CTNNA2: variants seen among roughly 807,000 people sequenced by gnomAD.
CTNNA2 encodes the protein catenin alpha-2.
CTNNA2 carries 42 observed loss-of-function variants against 101.0 expected under a neutral mutation model. The ratio of observed to expected loss-of-function variants is 0.42; its 90% CI spans 0.32 to 0.54. The LOEUF (loss-of-function observed/expected upper bound fraction) is 0.54. Among genes scored for constraint, CTNNA2 ranks in the 20% least tolerant of loss-of-function variants. The pLI, the probability that CTNNA2 is intolerant of heterozygous loss-of-function variation, is 0.14. For missense variants in CTNNA2, 871 were observed against 1,223.1 expected, an observed-to-expected ratio of 0.71 and a Z score of 4.29; for synonymous variants, 450 against 456.4, an observed-to-expected ratio of 0.99 and a Z score of 0.18.
At chr2:79,612,770 A>G (rs1359115843) in intron 1 of CTNNA2, among the ~76,000 whole-genome samples, 1 of 152,138 alleles carries the variant, frequency 6.6e-6, no homozygotes, top group Admixed American at 6.5e-5. Flanking sequence ...TAAAGAATGA[A>G]TCAAAGTTGG....
intron 1 of CTNNA2, among the ~76,000 whole-genome samples, chr2:79,557,965 T>G (rs1162235867): frequency 1.3e-5 from 2 of 151,972 alleles, no homozygotes; most frequent in African/African-American, 4.8e-5. Context: ...TTTTTAAATA[T>G]AATGCATATT....
chr2:79,963,774 A>G (rs1487634696), intron 7 of CTNNA2, among the ~76,000 whole-genome samples: 2 of 152,216 alleles, frequency 1.3e-5, no homozygotes, highest in Non-Finnish European at 2.9e-5. Flanking sequence ...TGCTAAATGC[A>G]TCTTACCTTA....
At chr2:79,898,259 G>A (rs756161963) in intron 6 of CTNNA2, among the ~76,000 whole-genome samples, 33 of 151,784 alleles carry the variant, frequency 2.2e-4, no homozygotes, top group Non-Finnish European at 1.8e-4. Context: ...TCAGCCTCCC[G>A]AGTAGCTGGG....
chr2:79,829,732 A>ATTTATTTATTTAT (rs1265471631), intron 3 of CTNNA2, among the ~76,000 whole-genome samples: 96 of 101,352 alleles, frequency 9.5e-4, no homozygotes, highest in African/African-American at 3.2e-3. Context: ...TTATTTATTT[A>ATTTATTTATTTAT]TTTTTGAGAC....
At chr2:80,035,959 G>C (rs1174362807) in intron 7 of CTNNA2, among the ~76,000 whole-genome samples, 1 of 152,202 alleles carries the variant, frequency 6.6e-6, no homozygotes, top group Non-Finnish European at 1.5e-5. Flanking sequence ...ACAGAGATAG[G>C]AGAAAAGCAA....
intron 3 of CTNNA2, among the ~76,000 whole-genome samples, chr2:79,845,293 G>A (rs1156942292): frequency 6.6e-6 from 1 of 151,186 alleles, no homozygotes; most frequent in Non-Finnish European, 1.5e-5. Context: ...AAGTAAGTAG[G>A]GCAGAAATTG....
At chr2:79,496,584 A>G (rs2103795070) in intron 4 of CTNNA2, among the ~76,000 whole-genome samples, 1 of 151,702 alleles carries the variant, frequency 6.6e-6, no homozygotes, top group South Asian at 2.1e-4. Context: ...CATTTTGGGG[A>G]TTTATTAATT....
At chr2:79,932,172 A>T (rs1687491218) in intron 7 of CTNNA2, among the ~76,000 whole-genome samples, 1 of 152,154 alleles carries the variant, frequency 6.6e-6, no homozygotes, top group African/African-American at 2.4e-5. Context: ...GCAGAACCTG[A>T]GCCCTAAAGG....
intron 9 of CTNNA2, among the ~76,000 whole-genome samples, chr2:80,445,127 TTTTATG>T (rs1356759025): frequency 1.3e-5 from 2 of 152,046 alleles, no homozygotes; most frequent in Admixed American, 1.3e-4. Flanking sequence ...CAAGTTTAGG[TTTTATG>T]TTTGTCTCTT....
intron 2 of CTNNA2, among the ~76,000 whole-genome samples, chr2:79,704,765 G>A (rs1685244853): frequency 2.0e-5 from 3 of 151,644 alleles, no homozygotes; most frequent in Admixed American, 6.6e-5. Context: ...CACCCGCCTC[G>A]GCCTCCCAAA....
At chr2:80,425,775 A>C (rs1285912371) in intron 9 of CTNNA2, among the ~76,000 whole-genome samples, 1 of 152,038 alleles carries the variant, frequency 6.6e-6, no homozygotes, top group Non-Finnish European at 1.5e-5. Flanking sequence ...AGAGTCTATG[A>C]AGTGATTGGG....
At position 80,393,297 on chromosome 2, in the gene CTNNA2, A is replaced by T; in HGVS notation, c.1137+6A>T. ...CAAGAGATCTAAGGAGACAGGTACT[A>T]TTTTTTATTTTTACTTTAAGTCCAT... On this transcript the variant is annotated splice_donor_region_variant and intron_variant, in intron 8 of 18. Transcript: ENST00000402739. 1 of 1,591,000 alleles carries T rather than the reference A, an allele frequency of 6.3e-7. No homozygotes were observed. Among genetic ancestry groups the T allele is most frequent in the East Asian group, 2.2e-5 (1 of 44,632 alleles).
chr2:79,924,534 A>G (rs116289800), intron 7 of CTNNA2, among the ~76,000 whole-genome samples: 2 of 152,134 alleles, frequency 1.3e-5, no homozygotes, highest in Non-Finnish European at 2.9e-5. Context: ...TGTTAAATCA[A>G]TCAGCCATCT....
chr2:80,076,654 C>T (rs1313588823), intron 7 of CTNNA2, among the ~76,000 whole-genome samples: 1 of 151,836 alleles, frequency 6.6e-6, no homozygotes, highest in African/African-American at 2.4e-5. Flanking sequence ...TCACTCATTA[C>T]TTCTGACTTG....
At chr2:80,608,516 G>A in intron 17 of CTNNA2, 198 bp downstream of exon 17, 1 of 449,588 alleles carries the variant, frequency 2.2e-6, no homozygotes, top group Non-Finnish European at 3.8e-6. Flanking sequence ...ATTACCCTGT[G>A]TTTATTCTAG....
chr2:80,358,210 G>GA (rs1674029406), intron 7 of CTNNA2, among the ~76,000 whole-genome samples: 1 of 152,130 alleles, frequency 6.6e-6, no homozygotes, highest in Non-Finnish European at 1.5e-5. Context: ...TGCGTGGCAA[G>GA]GAGTAAGCCT....
intron 2 of CTNNA2, among the ~76,000 whole-genome samples, chr2:79,226,253 T>C (rs1387832085): frequency 3.9e-5 from 6 of 152,188 alleles, no homozygotes; most frequent in Non-Finnish European, 8.8e-5. Flanking sequence ...TCACTGTCCG[T>C]CACACACAAC....
At chr2:79,415,194 T>C (rs1180617639) in intron 4 of CTNNA2, among the ~76,000 whole-genome samples, 1 of 152,120 alleles carries the variant, frequency 6.6e-6, no homozygotes, top group Non-Finnish European at 1.5e-5. Flanking sequence ...GTGAGTTCTC[T>C]CTGTGAGTTC....
At chr2:79,323,747 GA>G (rs1166611464) in intron 3 of CTNNA2, among the ~76,000 whole-genome samples, 1 of 152,172 alleles carries the variant, frequency 6.6e-6, no homozygotes, top group Non-Finnish European at 1.5e-5. Context: ...ATGTTCCTGG[GA>G]AAGTCTTTTG....
Sources: allele counts gnomAD v4.1 joint callset (sites outside exome capture counted in the v4.1 genomes callset), GRCh38; gene constraint gnomAD v4.1.1; transcripts MANE v1.5; gene names NCBI Gene and HGNC (gene_info 2026-07-23, HGNC 2026-07-21).